Variants in PKHD1 observed in about 807,000 individuals in gnomAD.
PKHD1 encodes the protein fibrocystin.
In PKHD1, 291 loss-of-function variants were observed where a neutral mutation model predicts 412.0. That is an observed-to-expected ratio of 0.71 (90% CI 0.64 to 0.78). The LOEUF is 0.78. PKHD1 is among the 30% of genes least tolerant of loss of function. PKHD1 has a pLI of 0.00. For synonymous variants in PKHD1, 1,777 were observed against 1,821.5 expected (o/e 0.98, Z 0.62); for missense variants, 4,825 against 4,950.7 (o/e 0.97, Z 0.76).
At chr6:52,047,103 G>A (rs919872203) in intron 23 of PKHD1, among the ~76,000 whole-genome samples, 3 of 152,216 alleles carry the variant, frequency 2.0e-5, no homozygotes, top group Admixed American at 1.3e-4. Flanking sequence ...GCCAGGCCAA[G>A]GCTGACTTTC....
At chr6:51,966,399 C>T (rs149648895) in intron 35 of PKHD1, among the ~76,000 whole-genome samples, 188 of 152,296 alleles carry the variant, frequency 1.2e-3, no homozygotes, top group Non-Finnish European at 2.2e-3. Context: ...CTGCATCTAT[C>T]TCTGTGAGCA....
rs1402541240 is a variant in PKHD1, at chr6:51,903,645, C to T, written c.6948G>A (p.Met2316Ile). The part of the protein sequence containing the change: ...SGAEGLSNPE[M>I]LTPSGIYICS... The stretch of plus-strand genomic sequence containing the variant: ...AGATATAGATGCCAGATGGTGTCAA[C>T]ATTTCAGGATTGGAGAGTCCCTCGG... The change falls in exon 43 of 67, where the codon ATG becomes ATA. Residue 2316 changes from methionine (M) to isoleucine (I), a missense_variant. By Grantham distance (10) the Met-to-Ile change is conservative (BLOSUM62 1). Transcript: ENST00000371117. 15 of 1,611,480 alleles carry T rather than the reference C, an allele frequency of 9.3e-6. No individual in the cohort carries two copies. The East Asian group carries it at 1.1e-4, about 12-fold the overall frequency.
chr6:51,893,695 A>G (rs182471810), intron 43 of PKHD1, among the ~76,000 whole-genome samples: 101 of 152,340 alleles, frequency 6.6e-4, no homozygotes, highest in African/African-American at 2.2e-3. Context: ...GAAATTCCAG[A>G]GAGAAATTAA....
At chr6:51,624,051 A>G in intron 66 of PKHD1, among the ~76,000 whole-genome samples, 1 of 151,996 alleles carries the variant, frequency 6.6e-6, no homozygotes, top group East Asian at 1.9e-4. Context: ...GGAACTCTTT[A>G]TTCTTTTTTA....
chr6:51,757,760 T>C lies in PKHD1; in HGVS notation c.8643-2822A>G, dbSNP rs184304370. ...CTCTTGCCTTATAATCCCAGTACTTTGGGAAGCCAAGACAGGAAGATCACT... is the reference window on the plus strand; with the variant it reads ...CTCTTGCCTTATAATCCCAGTACTTCGGGAAGCCAAGACAGGAAGATCACT... On this transcript the variant is annotated intron_variant, in intron 55 of 66. Coordinates refer to ENST00000371117, the MANE Select transcript of PKHD1 (RefSeq NM_138694.4). 5.9e-5 allele frequency among the ~76,000 whole-genome samples: 9 copies of C among 152,108 alleles called. No homozygotes were observed. The East Asian group carries it at 1.4e-3, about 23-fold the overall frequency.
intron 59 of PKHD1, 38 bp downstream of exon 59, chr6:51,746,683 T>C: frequency 7.5e-7 from 1 of 1,328,870 alleles, no homozygotes; most frequent in Non-Finnish European, 1.1e-6. Flanking sequence ...GCCAAGTACT[T>C]CATAAATATG....
chr6:51,657,369 A>G (rs1374717475), intron 61 of PKHD1, among the ~76,000 whole-genome samples: 1 of 152,156 alleles, frequency 6.6e-6, no homozygotes, highest in Non-Finnish European at 1.5e-5. Flanking sequence ...TTCTCATTGA[A>G]TGCCATAGGA....
chr6:52,024,129 CTTA>C (rs756406856), intron 32 of PKHD1, among the ~76,000 whole-genome samples: 22 of 152,278 alleles, frequency 1.4e-4, no homozygotes, highest in African/African-American at 2.9e-4. Flanking sequence ...GTGCATTTGG[CTTA>C]TTATTGTTGA....
chr6:51,742,377 T>C (rs1784662093), intron 60 of PKHD1, among the ~76,000 whole-genome samples: 1 of 152,180 alleles, frequency 6.6e-6, no homozygotes, highest in Non-Finnish European at 1.5e-5. Flanking sequence ...TTAAAAAGTA[T>C]AAATATTCAA....
intron 51 of PKHD1, 58 bp from the exon 52 acceptor site, chr6:51,831,047 A>T: frequency 7.3e-7 from 1 of 1,368,520 alleles, no homozygotes; most frequent in Non-Finnish European, 1.0e-6. Context: ...TCCAAATTCT[A>T]TCCTTATTTT....
chr6:52,023,367 T>C (rs1801689082), intron 32 of PKHD1, among the ~76,000 whole-genome samples: 1 of 152,226 alleles, frequency 6.6e-6, no homozygotes, highest in Non-Finnish European at 1.5e-5. Flanking sequence ...AAAGCATTAT[T>C]CTATCCATAT....
chr6:52,022,314 T>C (rs746914327), intron 33 of PKHD1, among the ~76,000 whole-genome samples: 1 of 152,202 alleles, frequency 6.6e-6, no homozygotes, highest in Non-Finnish European at 1.5e-5. Context: ...GTGTTGGCTC[T>C]TTTGCCTATA....
At chr6:51,871,313 T>TTTAGAAAAAAAAGGAAATAGGAGAGTAG (rs1562505563) in intron 46 of PKHD1, among the ~76,000 whole-genome samples, 5 of 130,872 alleles carry the variant, frequency 3.8e-5, no homozygotes, top group Admixed American at 7.3e-5. Context: ...CAAACTGCAT[T>TTTAGAAAAAAAAGGAAATAGGAGAGTAG]ACATCTATCT....
At chr6:51,868,171 G>C in intron 47 of PKHD1, 62 bp from the exon 48 acceptor site, 1 of 1,342,028 alleles carries the variant, frequency 7.5e-7, no homozygotes, top group Non-Finnish European at 1.1e-6. Context: ...AAATTCACTG[G>C]AGTGATGGTC....
intron 52 of PKHD1, among the ~76,000 whole-genome samples, chr6:51,810,416 G>A (rs930143201): frequency 1.3e-5 from 2 of 152,090 alleles, no homozygotes; most frequent in African/African-American, 4.8e-5. Flanking sequence ...TGTTTTAAAT[G>A]TCTGCTTAGA....
intron 19 of PKHD1, among the ~76,000 whole-genome samples, chr6:52,055,006 C>T (rs1056337851): frequency 1.3e-5 from 2 of 152,210 alleles, no homozygotes; most frequent in African/African-American, 4.8e-5. Flanking sequence ...ACTTCTTTTA[C>T]AAGGGTGGTG....
intron 36 of PKHD1, 142 bp from the exon 37 acceptor site, chr6:51,934,464 G>A (rs1260829314): frequency 5.7e-6 from 4 of 697,408 alleles, no homozygotes; most frequent in Non-Finnish European, 1.0e-5. Context: ...TCTTGTAGAA[G>A]CACAGTAGGG....
intron 52 of PKHD1, among the ~76,000 whole-genome samples, chr6:51,818,838 C>A (rs555753955): frequency 2.5e-4 from 38 of 151,984 alleles, no homozygotes; most frequent in Non-Finnish European, 5.1e-4. Context: ...GATGGACCAC[C>A]GAGTGACTTT....
intron 52 of PKHD1, among the ~76,000 whole-genome samples, chr6:51,799,598 A>G (rs1562337204): frequency 6.6e-6 from 1 of 152,330 alleles, no homozygotes; most frequent in East Asian, 1.9e-4. Context: ...GATTTTTATA[A>G]AGGCATTCTC....
Sources: allele counts gnomAD v4.1 joint callset (sites outside exome capture counted in the v4.1 genomes callset), GRCh38; gene constraint gnomAD v4.1.1; transcripts MANE v1.5; gene names NCBI Gene and HGNC (gene_info 2026-07-23, HGNC 2026-07-21).